Variants in TAF1B observed in about 807,000 individuals in gnomAD.
TAF1B encodes TATA-box binding protein associated factor, RNA polymerase I subunit B, also known as TATA box-binding protein-associated factor RNA polymerase I subunit B.
TAF1B carries 61 observed loss-of-function variants against 83.9 expected under a neutral mutation model. The ratio of observed to expected loss-of-function variants is 0.73; its 90% CI spans 0.59 to 0.90. TAF1B has a LOEUF of 0.90. Ranked by LOEUF, TAF1B falls within the 40% of genes least tolerant of loss-of-function variation. The pLI, the probability that TAF1B is intolerant of heterozygous loss-of-function variation, is 0.00. For missense variants in TAF1B, 625 were observed against 677.0 expected (o/e 0.92, Z 0.85); for synonymous variants, 221 against 224.6 (o/e 0.98, Z 0.14).
At chr2:9,868,702 C>A in intron 6 of TAF1B, 1 of 579,902 alleles carries the variant, frequency 1.7e-6, no homozygotes, top group Non-Finnish European at 3.3e-6. Context: ...AAGGAGGCTG[C>A]TTCAGAAAGA....
At chr2:9,872,273 C>G (rs1664191504) in intron 6 of TAF1B, among the ~76,000 whole-genome samples, 1 of 150,750 alleles carries the variant, frequency 6.6e-6, no homozygotes, top group Admixed American at 6.6e-5. Flanking sequence ...TTGTGGTGAG[C>G]TGAGATCACA....
At chr2:9,919,002 A>G in intron 12 of TAF1B, 39 bp from the exon 13 acceptor site, 1 of 1,539,118 alleles carries the variant, frequency 6.5e-7, no homozygotes, top group Non-Finnish European at 9.0e-7. Flanking sequence ...TGTCCGTTTC[A>G]TCTCCGTCCT....
chr2:9,929,813 C>G (rs1386461525), intron 14 of TAF1B, among the ~76,000 whole-genome samples: 1 of 152,082 alleles, frequency 6.6e-6, no homozygotes, highest in African/African-American at 2.4e-5. Context: ...TCCGTCTGGT[C>G]CTGGACTTTT....
chr2:9,871,054 G>A (rs779700337), intron 6 of TAF1B, among the ~76,000 whole-genome samples: 16 of 151,878 alleles, frequency 1.1e-4, no homozygotes, highest in Non-Finnish European at 1.9e-4. Flanking sequence ...CCTGTGGCCT[G>A]GCTGACTTTA....
chr2:9,863,220 C>T (rs1391068745), intron 5 of TAF1B, among the ~76,000 whole-genome samples: 3 of 152,180 alleles, frequency 2.0e-5, no homozygotes, highest in South Asian at 2.1e-4. Flanking sequence ...TGCAGAGACA[C>T]ACATAGGCTC....
chr2:9,903,328 G>A (rs1185880532), intron 8 of TAF1B, among the ~76,000 whole-genome samples: 4 of 152,030 alleles, frequency 2.6e-5, no homozygotes, highest in African/African-American at 4.8e-5. Context: ...CTCATGATCC[G>A]CCCGGCTCGG....
intron 12 of TAF1B, among the ~76,000 whole-genome samples, chr2:9,916,834 G>GTTGTTT (rs1572282272): frequency 2.2e-5 from 1 of 44,848 alleles, no homozygotes; most frequent in African/African-American, 4.6e-5. Flanking sequence ...TTTCCTTTCT[G>GTTGTTT]TTCTTTTTTT....
At chr2:9,846,939 G>C (rs941968771) in intron 2 of TAF1B, among the ~76,000 whole-genome samples, 1 of 152,196 alleles carries the variant, frequency 6.6e-6, no homozygotes, top group Non-Finnish European at 1.5e-5. Flanking sequence ...TTTACTCACT[G>C]TTGCTTTTGT....
intron 5 of TAF1B, among the ~76,000 whole-genome samples, chr2:9,860,971 GC>G (rs1663733287): frequency 2.0e-5 from 3 of 152,312 alleles, no homozygotes; most frequent in African/African-American, 7.2e-5. Context: ...GAGGGGTGGA[GC>G]CAAGATGGCC....
At chr2:9,921,613 T>A (rs960861592) in intron 14 of TAF1B, among the ~76,000 whole-genome samples, 3 of 152,254 alleles carry the variant, frequency 2.0e-5, no homozygotes, top group Non-Finnish European at 4.4e-5. Context: ...AAGATTTTTT[T>A]AATAAGAGTA....
At chr2:9,925,137 C>G (rs1665994877) in intron 14 of TAF1B, among the ~76,000 whole-genome samples, 1 of 151,978 alleles carries the variant, frequency 6.6e-6, no homozygotes, top group South Asian at 2.1e-4. Flanking sequence ...TTTTTTTAAA[C>G]TATAGTGAAA....
intron 14 of TAF1B, among the ~76,000 whole-genome samples, chr2:9,926,916 C>T (rs1275471935): frequency 6.6e-6 from 1 of 151,530 alleles, no homozygotes; most frequent in Non-Finnish European, 1.5e-5. Flanking sequence ...GGTACATGTG[C>T]ACAACCTACA....
Position 9,875,967 on chromosome 2 carries a change from A to G in TAF1B, c.656A>G (p.Tyr219Cys), listed in dbSNP as rs772969033. 1.3e-5 allele frequency: 21 copies of G among 1,613,488 alleles called. No individual in the cohort carries two copies. In the African/African-American group the frequency reaches 1.6e-4, roughly 12 times the overall value. ...ATGCCACAGACACTTGCCTTCTGTT[A>G]TCTGTCCTTACTTTGGCAGAGAGAA... ...MTMPQTLAFC[Y>C]LSLLWQREAI... Residue 219 changes from tyrosine to cysteine, a missense_variant, in exon 7 of 15, where the codon TAT (tyrosine) becomes TGT (cysteine). Physicochemically the swap from Tyr to Cys is radical, Grantham distance 194 (BLOSUM62 -2). Transcript: ENST00000263663.
intron 11 of TAF1B, among the ~76,000 whole-genome samples, chr2:9,912,005 C>T (rs1665548450): frequency 6.6e-6 from 1 of 152,220 alleles, no homozygotes; most frequent in Non-Finnish European, 1.5e-5. Flanking sequence ...GTCTTCACAC[C>T]TATCCACTTC....
At chr2:9,933,656 C>G in intron 14 of TAF1B, 127 bp from the exon 15 acceptor site, 1 of 732,912 alleles carries the variant, frequency 1.4e-6, no homozygotes, top group Non-Finnish European at 2.2e-6. Context: ...TTCCTTCCAG[C>G]TCAGGGTCCT....
rs115361274 is a variant in TAF1B at position 9,879,979 on chromosome 2, T to C, written c.708-2727T>C. Among the ~76,000 whole-genome samples the C allele has an allele frequency of 2.3e-3, 349 of 152,164 alleles. 4 individuals carry two copies. Among genetic ancestry groups the C allele is most frequent in the African/African-American group, 7.4e-3 (309 of 41,520 alleles). On this transcript the variant is annotated intron_variant, in intron 7 of 14. Coordinates refer to ENST00000263663, the MANE Select transcript of TAF1B (RefSeq NM_005680.3). ...TTGCAGCAGGAGAGATACGATCTGA[T>C]TGATGTTTTTAAAAGATCATTCAGG...
intron 8 of TAF1B, among the ~76,000 whole-genome samples, chr2:9,898,400 G>A (rs570606742): frequency 6.6e-6 from 1 of 152,154 alleles, no homozygotes; most frequent in South Asian, 2.1e-4. Flanking sequence ...ATTCCACCTT[G>A]TTCCACAGAA....
At position 9,865,601 on chromosome 2, in the gene TAF1B, G is replaced by C. The variant is rs1430912612; in HGVS notation, c.400-2675G>C. On this transcript the variant is annotated intron_variant, in intron 5 of 14. Coordinates refer to ENST00000263663, the MANE Select transcript of TAF1B (RefSeq NM_005680.3). Reference sequence around the variant, plus strand: ...ATTGGAAAAAACTAAAGTTCACATGGAACCAAAAACGAGCCCTCATTGCCA... The same window carrying C: ...ATTGGAAAAAACTAAAGTTCACATGCAACCAAAAACGAGCCCTCATTGCCA... Among the ~76,000 whole-genome samples, 3 of 152,052 alleles carry C rather than the reference G, an allele frequency of 2.0e-5. No homozygotes were observed. In the East Asian group the frequency reaches 5.8e-4, roughly 29 times the overall value.
At position 9,875,876 on chromosome 2, in the gene TAF1B, T is replaced by G. The variant is rs1664307522; in HGVS notation, c.565T>G (p.Cys189Gly). 1 of 1,591,648 alleles carries G rather than the reference T, an allele frequency of 6.3e-7. No individual in the cohort carries two copies. Among genetic ancestry groups the G allele is most frequent in the African/African-American group, 1.3e-5 (1 of 74,698 alleles). Reference protein sequence around the residue: ...SKASQSETSVCSGSLDGVEYS... With the variant: ...SKASQSETSVGSGSLDGVEYS... ...ATTTATCTCCTAAGAAACGTCTGTC[T>G]GCTCTGGATCTCTGGATGGAGTTGA... The change falls in exon 7 of 15, where the codon TGC becomes GGC. Residue 189 changes from cysteine to glycine, a missense_variant. Coordinates refer to ENST00000263663, the MANE Select transcript of TAF1B (RefSeq NM_005680.3).
Sources: allele counts gnomAD v4.1 joint callset (sites outside exome capture counted in the v4.1 genomes callset), GRCh38; gene constraint gnomAD v4.1.1; transcripts MANE v1.5; gene names NCBI Gene and HGNC (gene_info 2026-07-23, HGNC 2026-07-21).